DENND2C: variants seen among roughly 807,000 people sequenced by gnomAD.
DENND2C encodes DENN domain-containing protein 2C.
DENND2C carries 72 observed loss-of-function variants against 112.4 expected under a neutral mutation model. The observed-to-expected ratio is 0.64, with a 90% CI of 0.53 to 0.78. The LOEUF (loss-of-function observed/expected upper bound fraction) is 0.78, where lower values mean the gene tolerates loss of function less well. Ranked by LOEUF, DENND2C falls within the 30% of genes least tolerant of loss-of-function variation. The probability of loss-of-function intolerance (pLI) is 0.00; values close to 1 mark genes in which losing one functional copy is unlikely to be tolerated. For missense variants in DENND2C, 992 were observed against 1,113.8 expected, an observed-to-expected ratio of 0.89 and a Z score of 1.56; for synonymous variants, 329 against 381.6, an observed-to-expected ratio of 0.86 and a Z score of 1.61.
At chr1:114,593,547 G>T (rs1213582906) in intron 18 of DENND2C, among the ~76,000 whole-genome samples, 1 of 152,160 alleles carries the variant, frequency 6.6e-6, no homozygotes, top group African/African-American at 2.4e-5. Context: ...TGCTTTGTGA[G>T]GCTAAGGCGG....
chr1:114,645,982 A>G (rs747392171), intron 2 of DENND2C, among the ~76,000 whole-genome samples: 6 of 151,378 alleles, frequency 4.0e-5, no homozygotes, highest in Non-Finnish European at 8.8e-5. Flanking sequence ...GCTGGAGTGC[A>G]GTGGCGCCGT....
At chr1:114,614,684 T>C (rs185921303) in intron 8 of DENND2C, among the ~76,000 whole-genome samples, 2 of 152,242 alleles carry the variant, frequency 1.3e-5, no homozygotes, top group Admixed American at 6.5e-5. Flanking sequence ...CCATAAGGCA[T>C]AGACATACAA....
At chr1:114,610,935 C>T (rs2101655207) in intron 9 of DENND2C, 138 bp downstream of exon 9, 2 of 960,126 alleles carry the variant, frequency 2.1e-6, no homozygotes, top group South Asian at 1.6e-5. Context: ...CAAACCTCAA[C>T]AGGCTCTGAA....
chr1:114,633,809 A>G (rs1243385677), intron 3 of DENND2C, among the ~76,000 whole-genome samples: 1 of 152,248 alleles, frequency 6.6e-6, no homozygotes, highest in Non-Finnish European at 1.5e-5. Context: ...ATTATACTGT[A>G]TATAAATGGG....
chr1:114,651,274 CAT>C (rs1273180077), intron 2 of DENND2C, among the ~76,000 whole-genome samples: 1 of 94,148 alleles, frequency 1.1e-5, no homozygotes, highest in Non-Finnish European at 2.1e-5. Flanking sequence ...CTTCCCTACA[CAT>C]ACACACACAC....
chr1:114,600,703 A>C, intron 14 of DENND2C, 117 bp downstream of exon 14: 3 of 1,319,212 alleles, frequency 2.3e-6, no homozygotes, highest in Non-Finnish European at 3.1e-6. Context: ...GAAATAAAAC[A>C]TATTCTTTAC....
rs887055482 is a variant in DENND2C, at chr1:114,621,938, C to T, written c.1184G>A (p.Arg395Gln). 3.9e-6 allele frequency: 6 copies of T among 1,550,524 alleles called. No individual in the cohort carries two copies. Among genetic ancestry groups the T allele is most frequent in the African/African-American group, 2.7e-5 (2 of 73,042 alleles). ...TTTCGTGTTTGCAACTTCACCAGCTCGGAAAAGCTTCCATTCCGTTAAAGT... is the reference window on the plus strand; with the variant it reads ...TTTCGTGTTTGCAACTTCACCAGCTTGGAAAAGCTTCCATTCCGTTAAAGT... ...PVTLTEWKLF[R>Q]AGEVANTKRK... Residue 395 changes from arginine (R) to glutamine (Q), a missense_variant, in exon 7 of 21, where the codon CGA becomes CAA. Transcript: ENST00000393274.
chr1:114,618,114 G>A (rs1207229568), intron 8 of DENND2C, among the ~76,000 whole-genome samples: 2 of 151,736 alleles, frequency 1.3e-5, no homozygotes, highest in Non-Finnish European at 2.9e-5. Flanking sequence ...TCAGCCTCTT[G>A]AGTAGCTGGG....
At position 114,600,208 on chromosome 1, in the gene DENND2C, G is replaced by C; in HGVS notation, c.2101C>G (p.Leu701Val). 6.2e-7 allele frequency: 1 copy of C among 1,613,836 alleles called. No homozygotes were observed. Among genetic ancestry groups the C allele is most frequent in the Non-Finnish European group, 8.5e-7 (1 of 1,179,896 alleles). Reference sequence around the variant, plus strand: ...CATATTTCACTTATTTCTTACCTTAGGCTGTTGGCAACAAAGATTACCCTA... The same window carrying C: ...CATATTTCACTTATTTCTTACCTTACGCTGTTGGCAACAAAGATTACCCTA... The part of the protein sequence containing the change: ...ERRVIFVANS[L>V]STLSKCGHAV... Residue 701 changes from leucine (L) to valine (V), a missense_variant, in exon 15 of 21, where the codon CTA becomes GTA. Leu to Val is a conservative substitution (Grantham distance 32). Around this residue, in one of 3 missense-constraint regions of DENND2C, gnomAD observed 516 missense variants for 623.6 expected, o/e 0.83. Coordinates refer to ENST00000393274, the MANE Select transcript of DENND2C (RefSeq NM_001256404.2).
At chr1:114,641,533 G>A (rs1014542435) in intron 3 of DENND2C, among the ~76,000 whole-genome samples, 1 of 151,938 alleles carries the variant, frequency 6.6e-6, no homozygotes, top group Middle Eastern at 3.2e-3. Flanking sequence ...CACAACAGCT[G>A]GTTATTTGAA....
rs538403916 is a variant in DENND2C, at chr1:114,623,379, G to A, written c.943+128C>T. On this transcript the variant is annotated intron_variant, in intron 5 of 20. Transcript: ENST00000393274. ...GAATAAAATAATTTATACACCAAAC[G>A]TTTCCATGCTAAAGAGAAAAACCTA... 9.3e-5 allele frequency: 83 copies of A among 889,648 alleles called. 1 individual carries two copies. In the Middle Eastern group the frequency reaches 2.3e-3, roughly 24 times the overall value. The allele number at this position is 889,648 out of a possible 1,614,324, so 55.1% of individuals were successfully genotyped here. A position where few individuals can be genotyped will look rare whatever the true frequency, so the allele number is the denominator to read the frequency against.
intron 1 of DENND2C, among the ~76,000 whole-genome samples, chr1:114,656,401 C>CTTTT (rs776761733): frequency 7.2e-6 from 1 of 138,528 alleles, no homozygotes; most frequent in Non-Finnish European, 1.5e-5. Flanking sequence ...TTCTTTCTTT[C>CTTTT]TTTTTTTTTT....
intron 1 of DENND2C, among the ~76,000 whole-genome samples, chr1:114,668,505 C>T (rs1353830972): frequency 1.4e-5 from 2 of 140,360 alleles, no homozygotes; most frequent in African/African-American, 2.7e-5. Context: ...ATTTAAAAAA[C>T]GTACTGCCAC....
intron 4 of DENND2C, among the ~76,000 whole-genome samples, chr1:114,624,483 G>A (rs1248107666): frequency 1.3e-5 from 2 of 151,226 alleles, no homozygotes; most frequent in African/African-American, 4.9e-5. Context: ...TTTTTATAGA[G>A]ACAGGGTCTC....
At chr1:114,608,614 A>G (rs1655723936) in intron 10 of DENND2C, 72 bp downstream of exon 10, 1 of 1,515,522 alleles carries the variant, frequency 6.6e-7, no homozygotes. Context: ...ACAAAAACCA[A>G]GAGGACAGGA....
chr1:114,645,966 G>A (rs1274568663), intron 2 of DENND2C, among the ~76,000 whole-genome samples: 4 of 150,508 alleles, frequency 2.7e-5, no homozygotes, highest in Admixed American at 6.6e-5. Flanking sequence ...TCGCTCTGTC[G>A]CCCAGGCTGG....
chr1:114,589,871 T>C (rs1184730562), intron 18 of DENND2C, among the ~76,000 whole-genome samples: 1 of 152,218 alleles, frequency 6.6e-6, no homozygotes, highest in African/African-American at 2.4e-5. Flanking sequence ...ACATTACTAA[T>C]GTCTTTGAAG....
chr1:114,665,948 A>C (rs1309973710), intron 1 of DENND2C, among the ~76,000 whole-genome samples: 1 of 152,114 alleles, frequency 6.6e-6, no homozygotes, highest in Non-Finnish European at 1.5e-5. Context: ...TGGCTTCTGG[A>C]CTCTAGATCC....
In DENND2C at chr1:114,642,306, T is replaced by C. The variant is rs1656863565; in HGVS notation, c.-205+3142A>G. Among the ~76,000 whole-genome samples the C allele has an allele frequency of 4.6e-5, 7 of 152,306 alleles. No homozygotes were observed. The South Asian group carries it at 1.5e-3, about 32-fold the overall frequency. On this transcript the variant is annotated intron_variant, in intron 3 of 20. Coordinates refer to ENST00000393274, the MANE Select transcript of DENND2C (RefSeq NM_001256404.2). ...TGTGCAAGAGATAAGATAAAGTCTA[T>C]ACTCCTTAATATGACATATAAGGTC...
Sources: gnomAD v4.1 joint callset for allele counts (sites outside exome capture counted in the v4.1 genomes callset) on GRCh38, gnomAD v4.1.1 for gene constraint, gnomAD v4.1.1 regional missense constraint, MANE v1.5 for transcripts, NCBI Gene and HGNC (gene_info 2026-07-23, HGNC 2026-07-21) for gene names.